Variants in OLFM2 observed in about 807,000 individuals in gnomAD.
The protein encoded by OLFM2 is olfactomedin 2, also known as noelin-2.
Under a neutral mutation model 43.9 loss-of-function variants are expected in OLFM2, and 20 were observed. The observed-to-expected ratio is 0.46, with a 90% CI of 0.32 to 0.66. The LOEUF is 0.66. OLFM2 is among the 30% of genes least tolerant of loss of function. The pLI is 0.04. For synonymous variants in OLFM2, 268 were observed against 278.6 expected (o/e 0.96, Z 0.38); for missense variants, 416 against 643.6 (o/e 0.65, Z 3.83).
intron 1 of OLFM2, among the ~76,000 whole-genome samples, chr19:9,918,796 A>T (rs1408853680): frequency 6.6e-6 from 1 of 152,228 alleles, no homozygotes; most frequent in East Asian, 1.9e-4. Flanking sequence ...TTCTATTTAT[A>T]CATAATGTCC....
intron 1 of OLFM2, among the ~76,000 whole-genome samples, chr19:9,861,524 C>A (rs1378478196): frequency 1.3e-5 from 2 of 152,220 alleles, no homozygotes; most frequent in African/African-American, 2.4e-5. Flanking sequence ...TGGAGCCACC[C>A]AGGCAAAGTG....
At chr19:9,903,877 A>G (rs1182658757) in intron 1 of OLFM2, among the ~76,000 whole-genome samples, 1 of 152,174 alleles carries the variant, frequency 6.6e-6, no homozygotes, top group Non-Finnish European at 1.5e-5. Flanking sequence ...CTATCCTGGC[A>G]TCACACTAAA....
At chr19:9,887,789 C>G (rs62104265) in intron 1 of OLFM2, among the ~76,000 whole-genome samples, 1 of 152,036 alleles carries the variant, frequency 6.6e-6, no homozygotes, top group Non-Finnish European at 1.5e-5. Flanking sequence ...ACCTGTAATC[C>G]CAGTATTTTG....
At chr19:9,918,791 T>C (rs1329477021) in intron 1 of OLFM2, among the ~76,000 whole-genome samples, 1 of 152,172 alleles carries the variant, frequency 6.6e-6, no homozygotes, top group African/African-American at 2.4e-5. Flanking sequence ...TATGATTCTA[T>C]TTATACATAA....
intron 1 of OLFM2, among the ~76,000 whole-genome samples, chr19:9,867,163 G>C (rs1190179934): frequency 6.6e-6 from 1 of 152,154 alleles, no homozygotes; most frequent in African/African-American, 2.4e-5. Context: ...CTGAGGTCAG[G>C]AGTTCCAGAC....
intron 1 of OLFM2, among the ~76,000 whole-genome samples, chr19:9,865,485 CTTTTTTTTTTT>C (rs71188847): frequency 2.2e-4 from 16 of 73,654 alleles, no homozygotes; most frequent in Admixed American, 8.1e-4. Context: ...TCTGTTTTTT[CTTTTTTTTTTT>C]TTTTTTTTTT....
chr19:9,882,096 A>G (rs1228149766), intron 1 of OLFM2, among the ~76,000 whole-genome samples: 1 of 151,838 alleles, frequency 6.6e-6, no homozygotes, highest in South Asian at 2.1e-4. Flanking sequence ...AAAATTAGCC[A>G]GGTGTGGTGG....
chr19:9,889,735 G>A (rs890383853), intron 1 of OLFM2, among the ~76,000 whole-genome samples: 8 of 152,112 alleles, frequency 5.3e-5, no homozygotes, highest in South Asian at 2.1e-4. Context: ...GTGTGTGTGC[G>A]CCAATGCACT....
intron 1 of OLFM2, among the ~76,000 whole-genome samples, chr19:9,908,791 G>A (rs1486817154): frequency 2.6e-5 from 4 of 151,906 alleles, no homozygotes; most frequent in Admixed American, 6.6e-5. Flanking sequence ...TGGCCAGGCT[G>A]GTCTTGAACT....
intron 1 of OLFM2, among the ~76,000 whole-genome samples, chr19:9,919,331 G>T (rs1257190897): frequency 2.0e-5 from 3 of 151,784 alleles, no homozygotes; most frequent in Non-Finnish European, 2.9e-5. Context: ...CACGCCCGGA[G>T]AATTTTTTAT....
At chr19:9,885,748 G>A (rs2046580811) in intron 1 of OLFM2, among the ~76,000 whole-genome samples, 1 of 152,114 alleles carries the variant, frequency 6.6e-6, no homozygotes, top group South Asian at 2.1e-4. Context: ...TCTCATCTTT[G>A]CTCAATCTAT....
At position 9,860,678 on chromosome 19, in the gene OLFM2, G is replaced by C. The variant is rs749660354; in HGVS notation, c.180C>G (p.Gly60=). Reference sequence around the variant, plus strand: ...TCAGTTGCCGCAGCTCCCGACTCCTGCCATCTCGAGAGCAGGTACTCTGCG... The same window carrying C: ...TCAGTTGCCGCAGCTCCCGACTCCTCCCATCTCGAGAGCAGGTACTCTGCG... The part of the protein sequence containing the change: ...IPAQSTCSRD[G]RSRELRQLME... The change falls in exon 2 of 6, where the codon GGC becomes GGG. Residue 60 remains glycine, a synonymous_variant. Transcript: ENST00000264833. 1.1e-5 allele frequency: 17 copies of C among 1,597,190 alleles called. No individual in the cohort carries two copies. Among genetic ancestry groups the C allele is most frequent in the Non-Finnish European group, 1.5e-5 (17 of 1,171,720 alleles).
Position 9,920,358 on chromosome 19 carries a change from A to G in OLFM2, c.63+15946T>C, listed in dbSNP as rs1381973223. On this transcript the variant is annotated intron_variant, in intron 1 of 5. Coordinates refer to ENST00000264833, the MANE Select transcript of OLFM2 (RefSeq NM_058164.4). ...CCCTGCACTGTACTAACACAAGAAT[A>G]GGTGTCTCCTTAAATTTTGAGCCCA... Among the ~76,000 whole-genome samples, 3 of 152,106 alleles carry G rather than the reference A, an allele frequency of 2.0e-5. No homozygotes were observed. The East Asian group carries it at 5.8e-4, about 29-fold the overall frequency.
chr19:9,897,410 T>C (rs903486773), intron 1 of OLFM2, among the ~76,000 whole-genome samples: 1 of 151,622 alleles, frequency 6.6e-6, no homozygotes, highest in African/African-American at 2.4e-5. Context: ...GGTGGGAGGA[T>C]TGCCTGAGCC....
Position 9,936,315 on chromosome 19 carries a change from G to A in OLFM2, c.52C>T (p.Leu18=). ...PPLLLLLCSG[L]AGQTLFQNPE... is the part of the protein sequence containing the mutation. ...CGCCGGGCCCCTACCTGTCCGGCCA[G>A]GCCTGAGCACAGCAGCAGCAGCAGC... Residue 18 remains leucine, a synonymous_variant, in exon 1 of 6, where the codon CTG becomes TTG. Coordinates refer to ENST00000264833, the MANE Select transcript of OLFM2 (RefSeq NM_058164.4). 6.6e-7 allele frequency: 1 copy of A among 1,526,416 alleles called. No individual in the cohort carries two copies. Among genetic ancestry groups the A allele is most frequent in the Admixed American group, 2.0e-5 (1 of 50,678 alleles). The allele number at this position is 1,526,416 out of a possible 1,614,324, so 94.6% of individuals were successfully genotyped here. A position where few individuals can be genotyped will look rare whatever the true frequency, so the allele number is the denominator to read the frequency against.
At chr19:9,916,265 G>A (rs530735037) in intron 1 of OLFM2, among the ~76,000 whole-genome samples, 172 of 152,218 alleles carry the variant, frequency 1.1e-3, no homozygotes, top group Non-Finnish European at 1.8e-3. Context: ...GTTGAGGTGG[G>A]AGAATTGCTT....
At chr19:9,928,054 G>A (rs1895372) in intron 1 of OLFM2, among the ~76,000 whole-genome samples, 37 of 151,748 alleles carry the variant, frequency 2.4e-4, no homozygotes, top group Middle Eastern at 3.4e-3. Flanking sequence ...GAAAAAGAAA[G>A]AGAAAAATTA....
In OLFM2 at chr19:9,931,257, T is replaced by C. The variant is rs186922384; in HGVS notation, c.63+5047A>G. On this transcript the variant is annotated intron_variant, in intron 1 of 5. Transcript: ENST00000264833. ...GTAAAGAAGATGGGTTTTCTTTCTT[T>C]CTTTTTTGTGGAGACAGGGTCTCAG... Among the ~76,000 whole-genome samples, 586 of 152,296 alleles carry C rather than the reference T, an allele frequency of 3.8e-3. 1 individual carries two copies. The highest frequency in any genetic ancestry group is 6.3e-3 in the Non-Finnish European group (427 of 68,018).
intron 1 of OLFM2, among the ~76,000 whole-genome samples, chr19:9,867,852 T>C (rs1225616156): frequency 6.6e-6 from 1 of 152,158 alleles, no homozygotes; most frequent in Non-Finnish European, 1.5e-5. Flanking sequence ...TTGTTTAAAA[T>C]TGGACAATTA....
Sources: allele counts gnomAD v4.1 joint callset (sites outside exome capture counted in the v4.1 genomes callset), GRCh38; gene constraint gnomAD v4.1.1; transcripts MANE v1.5; gene names NCBI Gene and HGNC (gene_info 2026-07-23, HGNC 2026-07-21).